The following CHSY3 variants were observed in gnomAD, a reference collection of about 807,000 sequenced individuals.
CHSY3 encodes N-acetylgalactosaminyl-proteoglycan 3-beta-glucuronosyltransferase 3.
Under a neutral mutation model 67.2 loss-of-function variants are expected in CHSY3, and 35 were observed. The observed-to-expected ratio is 0.52, with a 90% CI of 0.40 to 0.69. CHSY3 has a LOEUF of 0.69. Among genes scored for constraint, CHSY3 ranks in the 30% least tolerant of loss-of-function variants. The pLI is 0.00. For synonymous variants in CHSY3, 474 were observed against 434.7 expected, an observed-to-expected ratio of 1.09 and a Z score of -1.12; for missense variants, 1,069 against 1,138.5, an observed-to-expected ratio of 0.94 and a Z score of 0.88.
chr5:129,939,997 A>G (rs1322474501), intron 2 of CHSY3, among the ~76,000 whole-genome samples: 4 of 152,172 alleles, frequency 2.6e-5, no homozygotes, highest in African/African-American at 9.6e-5. Flanking sequence ...ATTATATTAG[A>G]TTTTAAGAGT....
At chr5:130,160,831 G>A (rs541744987) in intron 2 of CHSY3, among the ~76,000 whole-genome samples, 75 of 152,158 alleles carry the variant, frequency 4.9e-4, no homozygotes, top group African/African-American at 1.6e-3. Context: ...ATCCTTTGGA[G>A]GGAATACCAG....
intron 2 of CHSY3, among the ~76,000 whole-genome samples, chr5:130,056,923 T>C (rs1487653960): frequency 6.9e-5 from 9 of 130,402 alleles, no homozygotes; most frequent in South Asian, 2.8e-4. Context: ...TCTTTCTTTT[T>C]TTTTTTTTTT....
At chr5:130,026,927 G>A (rs1042635689) in intron 2 of CHSY3, among the ~76,000 whole-genome samples, 3 of 152,058 alleles carry the variant, frequency 2.0e-5, no homozygotes, top group Non-Finnish European at 4.4e-5. Context: ...TCACACATAA[G>A]TACATAGGTA....
chr5:129,979,263 A>G (rs1431009570), intron 2 of CHSY3, among the ~76,000 whole-genome samples: 1 of 151,524 alleles, frequency 6.6e-6, no homozygotes, highest in Non-Finnish European at 1.5e-5. Context: ...CTAATTTATC[A>G]GTAACAGTGT....
chr5:129,910,192 A>G (rs1760487288), intron 2 of CHSY3, among the ~76,000 whole-genome samples: 1 of 151,992 alleles, frequency 6.6e-6, no homozygotes, highest in Non-Finnish European at 1.5e-5. Flanking sequence ...CCTTTTATTA[A>G]CTGATGTAAG....
At chr5:129,926,013 A>C (rs566235821) in intron 2 of CHSY3, among the ~76,000 whole-genome samples, 194 of 152,186 alleles carry the variant, frequency 1.3e-3, no homozygotes, top group African/African-American at 4.5e-3. Flanking sequence ...ATGGACATAT[A>C]GGATAATAAA....
chr5:130,172,065 G>A (rs972378492), intron 2 of CHSY3, among the ~76,000 whole-genome samples: 1 of 152,120 alleles, frequency 6.6e-6, no homozygotes, highest in African/African-American at 2.4e-5. Flanking sequence ...GGGTGGTGAG[G>A]TCTGCTTTTC....
At chr5:130,163,827 T>C (rs1211415421) in intron 2 of CHSY3, among the ~76,000 whole-genome samples, 4 of 152,020 alleles carry the variant, frequency 2.6e-5, no homozygotes, top group African/African-American at 9.7e-5. Context: ...CACCAAACTA[T>C]GTGATATATT....
intron 2 of CHSY3, among the ~76,000 whole-genome samples, chr5:129,916,553 A>G (rs1760735776): frequency 6.6e-6 from 1 of 152,234 alleles, no homozygotes; most frequent in Non-Finnish European, 1.5e-5. Flanking sequence ...TATTTTAATA[A>G]TCTGATAACC....
chr5:129,973,980 G>A lies in CHSY3; in HGVS notation c.1086+65620G>A, dbSNP rs146892388. On this transcript the variant is annotated intron_variant, in intron 2 of 2. Transcript: ENST00000305031. Reference sequence around the variant, plus strand: ...ATAAGTTGGCTCCTAGGTCTGCAACGCTCTTGTTCTGTTTGTCAGTCTCTT... The same window carrying A: ...ATAAGTTGGCTCCTAGGTCTGCAACACTCTTGTTCTGTTTGTCAGTCTCTT... Among the ~76,000 whole-genome samples, 53 of 152,080 alleles carry A rather than the reference G, an allele frequency of 3.5e-4. No individual in the cohort carries two copies. The East Asian group carries it at 9.1e-3, about 26-fold the overall frequency.
intron 2 of CHSY3, among the ~76,000 whole-genome samples, chr5:130,086,566 C>T (rs936133148): frequency 2.6e-5 from 4 of 151,990 alleles, no homozygotes; most frequent in African/African-American, 9.7e-5. Flanking sequence ...ATACAAACTA[C>T]CATCAGAGAA....
At position 130,004,635 on chromosome 5, in the gene CHSY3, TA is replaced by T. The variant is rs547303900; in HGVS notation, c.1086+96280del. Among the ~76,000 whole-genome samples, 611 of 152,324 alleles carry T rather than the reference TA, an allele frequency of 4.0e-3. 7 individuals carry two copies. Among genetic ancestry groups the T allele is most frequent in the African/African-American group, 0.013 (543 of 41,584 alleles). On this transcript the variant is annotated intron_variant, in intron 2 of 2. Coordinates refer to ENST00000305031, the MANE Select transcript of CHSY3 (RefSeq NM_175856.5). ...AGGATAGCCCAAATTAATCTAGTTT[TA>T]AAAATTGATATTTAGGGGTTGAGTT...
At chr5:129,906,607 C>A (rs993673651) in intron 1 of CHSY3, among the ~76,000 whole-genome samples, 1 of 152,150 alleles carries the variant, frequency 6.6e-6, no homozygotes, top group Non-Finnish European at 1.5e-5. Context: ...CTAAACTCAG[C>A]GGATCAAAGT....
intron 2 of CHSY3, among the ~76,000 whole-genome samples, chr5:130,041,005 C>A (rs756860691): frequency 2.0e-5 from 3 of 152,096 alleles, no homozygotes; most frequent in Non-Finnish European, 4.4e-5. Flanking sequence ...TAACAAGGAT[C>A]CTACTTGTCC....
intron 2 of CHSY3, among the ~76,000 whole-genome samples, chr5:129,953,386 G>T (rs1762081151): frequency 6.6e-6 from 1 of 152,070 alleles, no homozygotes; most frequent in Non-Finnish European, 1.5e-5. Flanking sequence ...ACATTGATAG[G>T]CATTTGGGTT....
At chr5:130,178,249 A>ATTTTTTTTTTTTT (rs1253548592) in intron 2 of CHSY3, among the ~76,000 whole-genome samples, 1 of 68,532 alleles carries the variant, frequency 1.5e-5, no homozygotes, top group Non-Finnish European at 2.5e-5. Flanking sequence ...ATATATATAT[A>ATTTTTTTTTTTTT]TATATTTTTT....
intron 2 of CHSY3, among the ~76,000 whole-genome samples, chr5:130,052,323 G>A (rs1312963503): frequency 6.6e-6 from 1 of 152,134 alleles, no homozygotes; most frequent in Non-Finnish European, 1.5e-5. Context: ...CCCCACAGTG[G>A]GGGTGTGGTT....
At chr5:130,110,341 G>A (rs374855582) in intron 2 of CHSY3, among the ~76,000 whole-genome samples, 5 of 151,912 alleles carry the variant, frequency 3.3e-5, no homozygotes, top group African/African-American at 1.2e-4. Context: ...TTAGCTAAAT[G>A]TATTAAGAAA....
At chr5:130,181,137 G>A (rs2149737321) in intron 2 of CHSY3, among the ~76,000 whole-genome samples, 1 of 152,196 alleles carries the variant, frequency 6.6e-6, no homozygotes, top group South Asian at 2.1e-4. Context: ...GGTGTTCATT[G>A]CTGCTGTGAT....
Sources: gnomAD v4.1 joint callset for allele counts (sites outside exome capture counted in the v4.1 genomes callset) on GRCh38, gnomAD v4.1.1 for gene constraint, MANE v1.5 for transcripts, NCBI Gene and HGNC (gene_info 2026-07-23, HGNC 2026-07-21) for gene names.